BBX: variants seen among roughly 807,000 people sequenced by gnomAD.
BBX encodes BBX high mobility group box domain containing.
In BBX, 30 loss-of-function variants were observed where a neutral mutation model predicts 100.2. That is an observed-to-expected ratio of 0.30 (90% CI 0.22 to 0.41). The LOEUF (loss-of-function observed/expected upper bound fraction) is 0.41. BBX is among the 10% of genes least tolerant of loss of function. The pLI, the probability that BBX is intolerant of heterozygous loss-of-function variation, is 1.00. For missense variants in BBX, 1,023 were observed against 1,129.8 expected (o/e 0.91, Z 1.35); for synonymous variants, 376 against 388.1 (o/e 0.97, Z 0.37).
At chr3:107,736,958 A>G (rs900967270) in intron 7 of BBX, among the ~76,000 whole-genome samples, 1 of 152,092 alleles carries the variant, frequency 6.6e-6, no homozygotes, top group African/African-American at 2.4e-5. Flanking sequence ...TTTCAAATAT[A>G]TGGGAAGTAC....
chr3:107,630,363 CTT>C (rs1225711562), intron 2 of BBX, among the ~76,000 whole-genome samples: 1 of 152,078 alleles, frequency 6.6e-6, no homozygotes, highest in Non-Finnish European at 1.5e-5. Flanking sequence ...TATAAGGACT[CTT>C]TATATTTGAA....
intron 2 of BBX, among the ~76,000 whole-genome samples, chr3:107,558,128 G>T (rs763472375): frequency 6.6e-6 from 1 of 152,168 alleles, no homozygotes; most frequent in African/African-American, 2.4e-5. Flanking sequence ...TGCTAAAATC[G>T]AGCTTCAGCA....
chr3:107,614,936 T>G (rs924997249), intron 2 of BBX, among the ~76,000 whole-genome samples: 6 of 152,142 alleles, frequency 3.9e-5, no homozygotes, highest in African/African-American at 1.4e-4. Flanking sequence ...AAGAGTGGCA[T>G]GATGTGGGTG....
At position 107,773,703 on chromosome 3, in the gene BBX, G is replaced by GAAA; in HGVS notation, c.1915+69_1915+71dup. ...ACAGAATTTCACCTTTAGACCTATT[G>GAAA]AAAACAACTGCCATAAAAAACAATA... On this transcript the variant is annotated intron_variant, in intron 11 of 17. Transcript: ENST00000325805. This position sits in a 1 kb window ranked among gnomAD's most constrained non-coding sequence, Gnocchi z 4.1. 2 of 1,383,644 alleles carry GAAA rather than the reference G, an allele frequency of 1.4e-6. No homozygotes were observed. Among genetic ancestry groups the GAAA allele is most frequent in the Non-Finnish European group, 1.9e-6 (2 of 1,026,008 alleles). 85.7% of individuals were successfully genotyped at this position (1,383,644 alleles called of 1,614,324 possible).
chr3:107,740,158 C>T (rs1243087650), intron 7 of BBX, among the ~76,000 whole-genome samples: 3 of 151,936 alleles, frequency 2.0e-5, no homozygotes, highest in Non-Finnish European at 4.4e-5. Flanking sequence ...ATGTAGTGCA[C>T]CGCTTGTGTC....
At chr3:107,632,745 A>G (rs931128832) in intron 2 of BBX, among the ~76,000 whole-genome samples, 14 of 152,216 alleles carry the variant, frequency 9.2e-5, no homozygotes, top group East Asian at 3.8e-4. Flanking sequence ...ATGATCTTCA[A>G]TTCTGGGGTG....
chr3:107,743,641 CTG>C (rs1315185968), intron 7 of BBX, among the ~76,000 whole-genome samples: 4 of 152,298 alleles, frequency 2.6e-5, no homozygotes, highest in South Asian at 2.1e-4. Context: ...CAGTGAGAAA[CTG>C]TTTTTAGGAG....
At chr3:107,740,277 C>G (rs900981631) in intron 7 of BBX, among the ~76,000 whole-genome samples, 2 of 151,956 alleles carry the variant, frequency 1.3e-5, no homozygotes, top group Non-Finnish European at 2.9e-5. Context: ...TGCCTCCTTC[C>G]AAACCTCCTT....
At chr3:107,594,612 C>T (rs2053555326) in intron 2 of BBX, among the ~76,000 whole-genome samples, 1 of 152,160 alleles carries the variant, frequency 6.6e-6, no homozygotes, top group Admixed American at 6.5e-5. Context: ...TCTGTGACCC[C>T]AGGCAAATTG....
intron 2 of BBX, among the ~76,000 whole-genome samples, chr3:107,614,528 T>C (rs1445837536): frequency 6.6e-6 from 1 of 152,076 alleles, no homozygotes; most frequent in Admixed American, 6.5e-5. Flanking sequence ...TCTTCCTTCT[T>C]CTCTGTGAAG....
At chr3:107,524,875 A>G (rs938816367) in intron 1 of BBX, among the ~76,000 whole-genome samples, 2 of 151,058 alleles carry the variant, frequency 1.3e-5, no homozygotes, top group African/African-American at 4.9e-5. Flanking sequence ...GCCTCTGCTA[A>G]TGGTCATTGG....
At chr3:107,697,281 T>G (rs1466831066) in intron 3 of BBX, among the ~76,000 whole-genome samples, 1 of 151,912 alleles carries the variant, frequency 6.6e-6, no homozygotes, top group Non-Finnish European at 1.5e-5. Context: ...GCTCTGCTGT[T>G]TAGAGTTTCC....
In BBX at chr3:107,750,990, G is replaced by C. The variant is rs182614130; in HGVS notation, c.825+2951G>C. Among the ~76,000 whole-genome samples the C allele has an allele frequency of 6.2e-3, 949 of 152,304 alleles. 9 individuals carry two copies. The highest frequency in any genetic ancestry group is 0.022 in the African/African-American group (901 of 41,558). On this transcript the variant is annotated intron_variant, in intron 9 of 17. Transcript: ENST00000325805. ...GGCCCCGCCACCAAAGCTTCTGACT[G>C]ATTAAATCTGGTGTTGGGCCTGAGA...
At chr3:107,647,249 T>C (rs1220325857) in intron 3 of BBX, among the ~76,000 whole-genome samples, 1 of 152,120 alleles carries the variant, frequency 6.6e-6, no homozygotes, top group South Asian at 2.1e-4. Context: ...GAGTTGAGTA[T>C]GGTGAGGTTT....
At chr3:107,620,533 G>A (rs1344229046) in intron 2 of BBX, among the ~76,000 whole-genome samples, 1 of 152,204 alleles carries the variant, frequency 6.6e-6, no homozygotes, top group Non-Finnish European at 1.5e-5. Flanking sequence ...TGCCTTCTGA[G>A]ACTGCTTTAG....
chr3:107,527,672 T>C (rs556895010), intron 2 of BBX, among the ~76,000 whole-genome samples: 12 of 152,340 alleles, frequency 7.9e-5, no homozygotes, highest in Admixed American at 2.0e-4. Context: ...AAATATTGCA[T>C]TACTGCTGAT....
chr3:107,685,662 C>T (rs544076346), intron 3 of BBX, among the ~76,000 whole-genome samples: 1 of 152,354 alleles, frequency 6.6e-6, no homozygotes, highest in Admixed American at 6.5e-5. Context: ...GGCATTCTCC[C>T]TGTGTCCTAG....
At chr3:107,762,919 A>G (rs910428234) in intron 10 of BBX, among the ~76,000 whole-genome samples, 2 of 152,146 alleles carry the variant, frequency 1.3e-5, no homozygotes, top group African/African-American at 4.8e-5. Flanking sequence ...CAAGCAGAAA[A>G]TTTCACACCT....
intron 10 of BBX, among the ~76,000 whole-genome samples, chr3:107,768,634 A>T (rs2066593603): frequency 6.6e-6 from 1 of 152,216 alleles, no homozygotes; most frequent in Admixed American, 6.5e-5. Context: ...AGTGCAAAAC[A>T]TAAATTATAA....
Sources: allele counts gnomAD v4.1 joint callset (sites outside exome capture counted in the v4.1 genomes callset), GRCh38; gene constraint gnomAD v4.1.1; non-coding constraint Gnocchi (gnomAD v3.1); transcripts MANE v1.5; gene names NCBI Gene and HGNC (gene_info 2026-07-23, HGNC 2026-07-21).